Variants in MARCHF3 observed in about 807,000 individuals in gnomAD.
MARCHF3 encodes membrane associated ring-CH-type finger 3.
Under a neutral mutation model 24.2 loss-of-function variants are expected in MARCHF3, and 13 were observed. That is an observed-to-expected ratio of 0.54 (90% confidence interval 0.35 to 0.85). The LOEUF (loss-of-function observed/expected upper bound fraction) is 0.85. MARCHF3 is among the 40% of genes least tolerant of loss of function. MARCHF3 has a pLI of 0.01. For missense variants in MARCHF3, 276 were observed against 325.0 expected (o/e 0.85, Z 1.16); for synonymous variants, 144 against 137.3 (o/e 1.05, Z -0.34).
At chr5:126,929,448 C>T (rs1328122920) in intron 1 of MARCHF3, among the ~76,000 whole-genome samples, 2 of 152,182 alleles carry the variant, frequency 1.3e-5, no homozygotes, top group Non-Finnish European at 2.9e-5. Context: ...ATGACAGTTG[C>T]CTGAATCAAT....
At chr5:126,876,934 G>A (rs1022428477) in intron 4 of MARCHF3, among the ~76,000 whole-genome samples, 1 of 152,198 alleles carries the variant, frequency 6.6e-6, no homozygotes, top group Admixed American at 6.5e-5. Context: ...ACAGGCATGA[G>A]CCACCGCGCC....
chr5:126,934,605 T>C (rs1749582537), intron 1 of MARCHF3, among the ~76,000 whole-genome samples: 1 of 152,042 alleles, frequency 6.6e-6, no homozygotes, highest in South Asian at 2.1e-4. Flanking sequence ...CCTAATTCCC[T>C]TCCCTACTTG....
Position 126,878,373 on chromosome 5 carries a change from G to C in MARCHF3, c.415C>G (p.Gln139Glu). The change falls in exon 4 of 5, where the codon CAG becomes GAG. Residue 139 changes from glutamine (Q) to glutamate (E), a missense_variant. Physicochemically the swap from Gln to Glu is conservative, Grantham distance 29. Coordinates refer to ENST00000308660, the MANE Select transcript of MARCHF3 (RefSeq NM_178450.5). ...LVEWLRNPGP[Q>E]HEKRTLFGDM... is the part of the protein sequence containing the mutation. ...CCAAACAGAGTCCGCTTCTCATGCTGGGGGCCAGGGTTTCTCAGCCACTGC... is the reference window on the plus strand; with the variant it reads ...CCAAACAGAGTCCGCTTCTCATGCTCGGGGCCAGGGTTTCTCAGCCACTGC... 1 of 1,613,424 alleles carries C rather than the reference G, an allele frequency of 6.2e-7. No individual in the cohort carries two copies.
At chr5:126,993,558 G>C (rs991916366) in intron 1 of MARCHF3, among the ~76,000 whole-genome samples, 1 of 152,126 alleles carries the variant, frequency 6.6e-6, no homozygotes, top group Non-Finnish European at 1.5e-5. Flanking sequence ...GGAGGACCTC[G>C]GAAATAACTA....
chr5:126,906,094 T>C lies in MARCHF3; in HGVS notation c.393+8836A>G, dbSNP rs200841383. 1.9e-3 allele frequency among the ~76,000 whole-genome samples: 277 copies of C among 146,206 alleles called. 2 individuals carry two copies. In the East Asian group the frequency reaches 0.054, roughly 29 times the overall value. On this transcript the variant is annotated intron_variant, in intron 3 of 4. Coordinates refer to ENST00000308660, the MANE Select transcript of MARCHF3 (RefSeq NM_178450.5). Reference sequence around the variant, plus strand: ...ATAATCATGTGGTTTTTGTCTTTGGTTCTGTTTATATGCTGGATTACATTT... The same window carrying C: ...ATAATCATGTGGTTTTTGTCTTTGGCTCTGTTTATATGCTGGATTACATTT...
At chr5:127,028,331 CTTA>C (rs1753067401) in intron 1 of MARCHF3, among the ~76,000 whole-genome samples, 1 of 152,162 alleles carries the variant, frequency 6.6e-6, no homozygotes, top group Non-Finnish European at 1.5e-5. Flanking sequence ...GCTGCAAGAA[CTTA>C]TTAAGCTATT....
At chr5:126,909,327 T>C (rs987758625) in intron 3 of MARCHF3, among the ~76,000 whole-genome samples, 1 of 152,366 alleles carries the variant, frequency 6.6e-6, no homozygotes, top group African/African-American at 2.4e-5. Flanking sequence ...GCAGGCCTCC[T>C]TGAGCTGTGG....
At chr5:126,888,241 C>T (rs932109406) in intron 3 of MARCHF3, among the ~76,000 whole-genome samples, 2 of 152,202 alleles carry the variant, frequency 1.3e-5, no homozygotes, top group African/African-American at 4.8e-5. Flanking sequence ...CAGCTGTGAT[C>T]TGGCTGAAGC....
chr5:127,027,228 G>A (rs1264575325), intron 1 of MARCHF3, among the ~76,000 whole-genome samples: 1 of 152,256 alleles, frequency 6.6e-6, no homozygotes, highest in East Asian at 1.9e-4. Context: ...CCAATTAATT[G>A]GGCAGCTCAA....
At chr5:126,927,250 C>T (rs1749326514) in intron 1 of MARCHF3, among the ~76,000 whole-genome samples, 1 of 152,112 alleles carries the variant, frequency 6.6e-6, no homozygotes, top group African/African-American at 2.4e-5. Flanking sequence ...AGCCAAGGAC[C>T]GAGTTACCCG....
Position 126,969,026 on chromosome 5 carries a change from T to G in MARCHF3, c.-56-50799A>C, listed in dbSNP as rs190943170. On this transcript the variant is annotated intron_variant, in intron 1 of 4. Coordinates refer to ENST00000308660, the MANE Select transcript of MARCHF3 (RefSeq NM_178450.5). ...GTTTCAAATTTTAATTATTTTTTCT[T>G]TCATTGCTTGTGCTTTAGGTGGCAT... Among the ~76,000 whole-genome samples the G allele has an allele frequency of 5.1e-4, 78 of 152,370 alleles. 1 individual carries two copies. Among genetic ancestry groups the G allele is most frequent in the Non-Finnish European group, 1.0e-3 (71 of 68,030 alleles).
chr5:126,982,191 G>A (rs933050626), intron 1 of MARCHF3, among the ~76,000 whole-genome samples: 11 of 152,058 alleles, frequency 7.2e-5, no homozygotes, highest in African/African-American at 1.7e-4. Flanking sequence ...TCTATCTCCC[G>A]CCTCCCCAGC....
At chr5:126,894,417 G>A (rs373694623) in intron 3 of MARCHF3, among the ~76,000 whole-genome samples, 9 of 151,232 alleles carry the variant, frequency 6.0e-5, no homozygotes, top group Non-Finnish European at 7.4e-5. Context: ...ATTTTGCAGC[G>A]GCTGGTACCG....
intron 3 of MARCHF3, chr5:126,899,273 A>C: frequency 9.1e-6 from 9 of 985,294 alleles, no homozygotes; most frequent in Non-Finnish European, 1.1e-5. Flanking sequence ...GCACCTGTCA[A>C]AAAAAGTGAG....
intron 1 of MARCHF3, among the ~76,000 whole-genome samples, chr5:126,926,971 C>G (rs1272870009): frequency 2.0e-5 from 3 of 152,124 alleles, no homozygotes; most frequent in Non-Finnish European, 2.9e-5. Context: ...ATTACCCCTG[C>G]CCCCATCTTC....
intron 1 of MARCHF3, among the ~76,000 whole-genome samples, chr5:126,974,109 A>AG (rs367856602): frequency 0.049 from 7,420 of 151,184 alleles, 342 homozygotes; most frequent in South Asian, 0.13. Context: ...CTTGTTAGCC[A>AG]GATGGTCTCG....
chr5:126,920,196 G>C (rs1330236872), intron 1 of MARCHF3, among the ~76,000 whole-genome samples: 3 of 151,904 alleles, frequency 2.0e-5, no homozygotes, highest in Non-Finnish European at 4.4e-5. Flanking sequence ...TGAAAGGGTT[G>C]GCAGGGTGCA....
chr5:127,020,640 C>T (rs1752769710), intron 1 of MARCHF3, among the ~76,000 whole-genome samples: 1 of 152,090 alleles, frequency 6.6e-6, no homozygotes, highest in Non-Finnish European at 1.5e-5. Flanking sequence ...CCCTTGAGCT[C>T]AGGAGTTCAT....
At chr5:126,934,654 G>A (rs1432415009) in intron 1 of MARCHF3, among the ~76,000 whole-genome samples, 3 of 151,314 alleles carry the variant, frequency 2.0e-5, no homozygotes, top group African/African-American at 7.3e-5. Flanking sequence ...GAATATTGTT[G>A]AAAAAGAAGA....
Sources: gnomAD v4.1 joint callset for allele counts (sites outside exome capture counted in the v4.1 genomes callset) on GRCh38, gnomAD v4.1.1 for gene constraint, MANE v1.5 for transcripts, NCBI Gene and HGNC (gene_info 2026-07-23, HGNC 2026-07-21) for gene names.